HDAC8: variants seen among roughly 807,000 people sequenced by gnomAD.
HDAC8 encodes histone deacetylase 8.
Under a neutral mutation model 32.2 loss-of-function variants are expected in HDAC8, and 1 was observed. The observed-to-expected ratio is 0.03, with a 90% CI of 0.01 to 0.15. HDAC8 has a LOEUF of 0.15. Among genes scored for constraint, HDAC8 ranks in the 10% least tolerant of loss-of-function variants. HDAC8 has a pLI of 1.00. For synonymous variants in HDAC8, 108 were observed against 113.9 expected (o/e 0.95, Z 0.33); for missense variants, 117 against 300.0 (o/e 0.39, Z 4.51).
chrX:72,376,159 T>C (rs1227952682), intron 9 of HDAC8, among the ~76,000 whole-genome samples: 1 of 111,279 alleles, frequency 9.0e-6, no homozygotes, highest in Non-Finnish European at 1.9e-5. Context: ...TCCTCACGCC[T>C]TGGCCTCCCA....
intron 9 of HDAC8, among the ~76,000 whole-genome samples, chrX:72,440,969 G>A (rs782724702): frequency 1.8e-5 from 2 of 112,946 alleles, no homozygotes; most frequent in East Asian, 2.8e-4. Flanking sequence ...CAAGGCGGCA[G>A]CGAGGCTGAG....
At chrX:72,463,418 A>T (rs1183704576) in intron 8 of HDAC8, among the ~76,000 whole-genome samples, 1 of 111,774 alleles carries the variant, frequency 8.9e-6, no homozygotes, top group Non-Finnish European at 1.9e-5. Context: ...GGCTTTAGAG[A>T]ATGCTAACAG....
At chrX:72,470,721 C>G (rs2048148484) in intron 7 of HDAC8, among the ~76,000 whole-genome samples, 1 of 111,759 alleles carries the variant, frequency 8.9e-6, no homozygotes, top group African/African-American at 3.3e-5. Context: ...TATCCAAAAG[C>G]CTTTTCTCTG....
intron 3 of HDAC8, 93 bp downstream of exon 3, chrX:72,568,661 A>G: frequency 1.9e-6 from 2 of 1,038,476 alleles, no homozygotes; most frequent in Non-Finnish European, 2.7e-6. Flanking sequence ...CAGTTAACAC[A>G]TGATTTCTTA....
chrX:72,474,721 G>T (rs782613429), intron 7 of HDAC8: 1 of 1,173,166 alleles, frequency 8.5e-7, no homozygotes, highest in Admixed American at 2.3e-5. Context: ...TGGGGCAGGA[G>T]GTTCGTACCT....
At chrX:72,432,108 CT>C (rs2147952271) in intron 9 of HDAC8, among the ~76,000 whole-genome samples, 1 of 110,800 alleles carries the variant, frequency 9.0e-6, no homozygotes, top group South Asian at 3.9e-4. Context: ...TTAGCTAGGA[CT>C]ACAGGCATGT....
intron 10 of HDAC8, among the ~76,000 whole-genome samples, chrX:72,349,638 C>T (rs1555948128): frequency 1.8e-5 from 2 of 111,958 alleles, no homozygotes; most frequent in Non-Finnish European, 3.8e-5. Flanking sequence ...AACCCTCGTC[C>T]TAGCCTTTTA....
intron 4 of HDAC8, among the ~76,000 whole-genome samples, chrX:72,513,999 G>A (rs1015784391): frequency 1.2e-4 from 14 of 112,445 alleles, no homozygotes; most frequent in African/African-American, 4.5e-4. Context: ...AATAAAGTTA[G>A]ATGTGGTAGT....
rs901908026 is a variant in HDAC8, at chrX:72,329,765, A to G, written c.*289T>C. The G allele has an allele frequency of 2.2e-5, 25 of 1,136,829 alleles. No homozygotes were observed. In the Middle Eastern group the frequency reaches 7.1e-4, roughly 32 times the overall value. 93.7% of individuals were successfully genotyped at this position (1,136,829 alleles called of 1,213,427 possible). ...ACTCCCCTCCCCAATTCGCTTAAAAATAATTTTCAAAGATTAAAAATTTCA... is the reference window on the plus strand; with the variant it reads ...ACTCCCCTCCCCAATTCGCTTAAAAGTAATTTTCAAAGATTAAAAATTTCA... On this transcript the variant is annotated 3_prime_UTR_variant, in exon 11 of 11. Coordinates refer to ENST00000373573, the MANE Select transcript of HDAC8 (RefSeq NM_018486.3).
chrX:72,364,103 T>C (rs2044631369), intron 9 of HDAC8, among the ~76,000 whole-genome samples: 1 of 111,491 alleles, frequency 9.0e-6, no homozygotes, highest in African/African-American at 3.3e-5. Context: ...CATTTGCTAT[T>C]CCTGCTTTAG....
At chrX:72,392,511 GT>G (rs1268267333) in intron 9 of HDAC8, among the ~76,000 whole-genome samples, 1 of 112,145 alleles carries the variant, frequency 8.9e-6, no homozygotes, top group Non-Finnish European at 1.9e-5. Flanking sequence ...AAGAGTCAGT[GT>G]TGAGCACAAT....
intron 7 of HDAC8, among the ~76,000 whole-genome samples, chrX:72,470,633 C>T (rs1555997140): frequency 9.0e-6 from 1 of 111,259 alleles, no homozygotes; most frequent in Non-Finnish European, 1.9e-5. Context: ...CCTATACATA[C>T]TTCTTGCAAT....
chrX:72,473,247 A>G (rs1243954539), intron 7 of HDAC8, among the ~76,000 whole-genome samples: 2 of 111,663 alleles, frequency 1.8e-5, no homozygotes, highest in African/African-American at 6.5e-5. Context: ...TGAACTCTCC[A>G]TTGTTCACCT....
intron 4 of HDAC8, among the ~76,000 whole-genome samples, chrX:72,509,591 G>A (rs1245608008): frequency 1.8e-5 from 2 of 111,680 alleles, no homozygotes; most frequent in African/African-American, 6.5e-5. Flanking sequence ...GACGAACCTG[G>A]AGGATATTAG....
Position 72,517,237 on chromosome X carries a change from A to G in HDAC8, c.438-21969T>C, listed in dbSNP as rs782260987. 4.5e-5 allele frequency among the ~76,000 whole-genome samples: 5 copies of G among 111,796 alleles called. No homozygotes were observed. In the East Asian group the frequency reaches 1.4e-3, roughly 31 times the overall value. On this transcript the variant is annotated intron_variant, in intron 4 of 10. Coordinates refer to ENST00000373573, the MANE Select transcript of HDAC8 (RefSeq NM_018486.3). ...CATTTATATTTTTTTTTGGATAAACATCTATTCAAATCTTCTGCCTATATT... is the reference window on the plus strand; with the variant it reads ...CATTTATATTTTTTTTTGGATAAACGTCTATTCAAATCTTCTGCCTATATT...
intron 4 of HDAC8, among the ~76,000 whole-genome samples, chrX:72,559,411 T>G (rs782357412): frequency 3.6e-5 from 4 of 109,721 alleles, no homozygotes; most frequent in East Asian, 2.9e-4. Context: ...GCGTGATCTC[T>G]GCTCGCTACA....
chrX:72,445,528 T>C (rs1156321713), intron 9 of HDAC8, among the ~76,000 whole-genome samples: 3 of 111,855 alleles, frequency 2.7e-5, no homozygotes, highest in African/African-American at 9.8e-5. Flanking sequence ...ATACAAAAAT[T>C]AATTCAAGAT....
chrX:72,562,135 A>T (rs2051586342), intron 4 of HDAC8, among the ~76,000 whole-genome samples: 1 of 112,362 alleles, frequency 8.9e-6, no homozygotes, highest in Admixed American at 9.4e-5. Flanking sequence ...CTCCTTAAAG[A>T]ACTAAAAGTA....
chrX:72,529,660 G>A (rs1327169882), intron 4 of HDAC8, among the ~76,000 whole-genome samples: 1 of 112,194 alleles, frequency 8.9e-6, no homozygotes, highest in Non-Finnish European at 1.9e-5. Context: ...GCAGCAATAA[G>A]AAACTAATAC....
Sources: allele counts gnomAD v4.1 joint callset (sites outside exome capture counted in the v4.1 genomes callset), GRCh38; gene constraint gnomAD v4.1.1; transcripts MANE v1.5; gene names NCBI Gene and HGNC (gene_info 2026-07-23, HGNC 2026-07-21).